ATP2B2: variants seen among roughly 807,000 people sequenced by gnomAD.
ATP2B2 encodes the protein plasma membrane calcium-transporting ATPase 2.
A neutral mutation model predicts 120.0 loss-of-function variants in ATP2B2; 15 were observed. That is an observed-to-expected ratio of 0.12 (90% CI 0.08 to 0.19). ATP2B2 has a LOEUF of 0.19. Among genes scored for constraint, ATP2B2 ranks in the 10% least tolerant of loss-of-function variants. The pLI is 1.00. For missense variants in ATP2B2, 1,045 were observed against 1,719.8 expected, an observed-to-expected ratio of 0.61 and a Z score of 6.94; for synonymous variants, 694 against 700.3, an observed-to-expected ratio of 0.99 and a Z score of 0.14.
chr3:10,507,547 T>C (rs920847582), upstream of ATP2B2, among the ~76,000 whole-genome samples: 17 of 152,146 alleles, frequency 1.1e-4, no homozygotes, highest in African/African-American at 3.6e-4. Context: ...GAAAGGCCCA[T>C]TGCACCTCCC....
chr3:10,371,906 T>C lies in ATP2B2; in HGVS notation c.1562A>G (p.Tyr521Cys), dbSNP rs1000988843. Reference protein sequence around the residue: ...VVQAYVGDVHYKEIPDPSSIN... With the variant: ...VVQAYVGDVHCKEIPDPSSIN... The stretch of plus-strand genomic sequence containing the variant: ...GGAGCTGGGGTCGGGGATCTCTTTA[T>C]AGTGGACGTCGCCGACATAGGCCTG... Residue 521 changes from tyrosine to cysteine, a missense_variant, in exon 12 of 23, where the codon TAT (tyrosine) becomes TGT (cysteine). This residue lies in a region of ATP2B2 where 343 missense variants were observed against 536.8 expected (regional missense o/e 0.64). Transcript: ENST00000360273. 6.2e-7 allele frequency: 1 copy of C among 1,614,124 alleles called. No individual in the cohort carries two copies. Among genetic ancestry groups the C allele is most frequent in the Non-Finnish European group, 8.5e-7 (1 of 1,180,022 alleles).
intron 5 of ATP2B2, among the ~76,000 whole-genome samples, chr3:10,393,778 T>C (rs1370167356): frequency 6.6e-6 from 1 of 152,150 alleles, no homozygotes; most frequent in Non-Finnish European, 1.5e-5. Context: ...CCTGGTCCTG[T>C]GGAGGGGATG....
At chr3:10,551,990 A>G (rs1419159472) in intron 2 of ATP2B2, among the ~76,000 whole-genome samples, 3 of 152,248 alleles carry the variant, frequency 2.0e-5, no homozygotes, top group Non-Finnish European at 2.9e-5. Flanking sequence ...AGCCATGCCT[A>G]TCATGGGGCT....
chr3:10,420,453 C>G (rs1347512490), intron 2 of ATP2B2, among the ~76,000 whole-genome samples: 1 of 152,194 alleles, frequency 6.6e-6, no homozygotes, highest in East Asian at 1.9e-4. Flanking sequence ...CCTCCGCCTC[C>G]CGGCTTCAAG....
chr3:10,449,221 T>C (rs1268686360), intron 2 of ATP2B2, 124 bp downstream of exon 2: 1 of 1,104,208 alleles, frequency 9.1e-7, no homozygotes, highest in African/African-American at 1.6e-5. Context: ...ACAATGGCCA[T>C]TCTGGCATTT....
At chr3:10,440,100 T>TAAAAAA (rs71055819) in intron 2 of ATP2B2, among the ~76,000 whole-genome samples, 4 of 28,170 alleles carry the variant, frequency 1.4e-4, no homozygotes, top group South Asian at 2.8e-3. Context: ...AGACTCTATC[T>TAAAAAA]AAAAAAAAAA....
intron 2 of ATP2B2, among the ~76,000 whole-genome samples, chr3:10,612,199 C>T (rs1394548503): frequency 6.6e-6 from 1 of 152,146 alleles, no homozygotes; most frequent in Non-Finnish European, 1.5e-5. Context: ...TTAACCCCTC[C>T]CCAGGTCCCC....
intron 3 of ATP2B2, among the ~76,000 whole-genome samples, chr3:10,525,044 A>G (rs2067063848): frequency 6.6e-6 from 1 of 152,160 alleles, no homozygotes; most frequent in Non-Finnish European, 1.5e-5. Flanking sequence ...AACAGGAGCT[A>G]CCTATGAACA....
intron 2 of ATP2B2, among the ~76,000 whole-genome samples, chr3:10,423,767 C>A (rs1479931130): frequency 6.6e-6 from 1 of 152,198 alleles, no homozygotes; most frequent in Non-Finnish European, 1.5e-5. Context: ...CCAGTCTCCA[C>A]CCTGACACTT....
intron 1 of ATP2B2, among the ~76,000 whole-genome samples, chr3:10,656,795 C>A (rs1359714188): frequency 2.0e-5 from 3 of 152,236 alleles, no homozygotes; most frequent in African/African-American, 7.2e-5. Context: ...TAAGACATGG[C>A]ATAAACTGAG....
rs545717698 is a variant in ATP2B2, at chr3:10,567,785, G to A, written c.-414-33652C>T. On this transcript the variant is annotated intron_variant, in intron 2 of 21. Transcript: ENST00000646379. Reference sequence around the variant, plus strand: ...TGGTGATGGAAAACAATACCAGCCTGGGAGCTTCTTGAGGGCTGAGACTGC... The same window carrying A: ...TGGTGATGGAAAACAATACCAGCCTAGGAGCTTCTTGAGGGCTGAGACTGC... Among the ~76,000 whole-genome samples the A allele has an allele frequency of 2.8e-4, 43 of 152,298 alleles. 1 individual carries two copies. Among genetic ancestry groups the A allele is most frequent in the Middle Eastern group, 6.8e-3 (2 of 294 alleles).
intron 14 of ATP2B2, 144 bp from the exon 15 acceptor site, chr3:10,350,721 G>A (rs2060556534): frequency 1.2e-6 from 1 of 842,600 alleles, no homozygotes; most frequent in African/African-American, 1.7e-5. Flanking sequence ...GACGCACATG[G>A]CATATGGGCC....
intron 2 of ATP2B2, among the ~76,000 whole-genome samples, chr3:10,559,742 T>C (rs1273860446): frequency 6.6e-6 from 1 of 152,204 alleles, no homozygotes; most frequent in African/African-American, 2.4e-5. Flanking sequence ...AGATTTATCT[T>C]GGGCTTGAGG....
chr3:10,593,953 G>A (rs2068702924), intron 2 of ATP2B2, among the ~76,000 whole-genome samples: 1 of 152,200 alleles, frequency 6.6e-6, no homozygotes, highest in Non-Finnish European at 1.5e-5. Flanking sequence ...GCAGCCAACA[G>A]ACACATGAAA....
At chr3:10,603,001 T>G (rs530463906) in intron 2 of ATP2B2, among the ~76,000 whole-genome samples, 53 of 152,302 alleles carry the variant, frequency 3.5e-4, no homozygotes, top group African/African-American at 1.2e-3. Flanking sequence ...TCCCCTCTGT[T>G]CTCTCAAGGC....
intron 1 of ATP2B2, among the ~76,000 whole-genome samples, chr3:10,493,681 A>G (rs569304688): frequency 1.3e-5 from 2 of 152,346 alleles, no homozygotes; most frequent in South Asian, 2.1e-4. Flanking sequence ...CCCTCCCTTC[A>G]TCTATTCTAC....
chr3:10,395,751 A>G (rs1200852545), intron 5 of ATP2B2, among the ~76,000 whole-genome samples: 2 of 152,154 alleles, frequency 1.3e-5, no homozygotes, highest in African/African-American at 2.4e-5. Context: ...ATACTTAAAC[A>G]TTGAGAGCTG....
intron 1 of ATP2B2, among the ~76,000 whole-genome samples, chr3:10,657,582 G>A (rs1225453274): frequency 2.0e-5 from 3 of 152,216 alleles, no homozygotes; most frequent in African/African-American, 7.2e-5. Flanking sequence ...GCTTGAGTAG[G>A]TAAACAAAGC....
intron 14 of ATP2B2, among the ~76,000 whole-genome samples, chr3:10,352,288 T>C (rs2060600583): frequency 6.6e-6 from 1 of 152,250 alleles, no homozygotes; most frequent in Non-Finnish European, 1.5e-5. Context: ...GGGCACTGCC[T>C]GGCCCCTCTT....
Sources: allele counts gnomAD v4.1 joint callset (sites outside exome capture counted in the v4.1 genomes callset), GRCh38; gene constraint gnomAD v4.1.1; regional missense constraint gnomAD v4.1.1; transcripts MANE v1.5; gene names NCBI Gene and HGNC (gene_info 2026-07-23, HGNC 2026-07-21).